Variants in PTPRD observed in about 807,000 individuals in gnomAD.
PTPRD encodes the protein protein tyrosine phosphatase receptor type D.
Under a neutral mutation model 214.5 loss-of-function variants are expected in PTPRD, and 34 were observed. The observed-to-expected ratio is 0.16, with a 90% CI of 0.12 to 0.21. The LOEUF is 0.21. PTPRD is among the 10% of genes least tolerant of loss of function. The pLI is 1.00. For missense variants in PTPRD, 2,545 were observed against 2,398.7 expected, an observed-to-expected ratio of 1.06 and a Z score of -1.27; for synonymous variants, 1,128 against 845.7, an observed-to-expected ratio of 1.33 and a Z score of -5.79.
intron 7 of PTPRD, among the ~76,000 whole-genome samples, chr9:9,697,551 CA>C (rs368142662): frequency 9.1e-4 from 139 of 151,932 alleles, no homozygotes; most frequent in African/African-American, 2.9e-3. Flanking sequence ...AGTCTGTTGC[CA>C]AAAAAATTGG....
intron 8 of PTPRD, among the ~76,000 whole-genome samples, chr9:9,544,892 C>CA (rs141317679): frequency 0.12 from 18,334 of 151,658 alleles, 1,349 homozygotes; most frequent in Middle Eastern, 0.27. Flanking sequence ...CGATAGCCCA[C>CA]ATTTCTAGTT....
chr9:9,121,632 A>G (rs1306256398), intron 10 of PTPRD, among the ~76,000 whole-genome samples: 1 of 152,114 alleles, frequency 6.6e-6, no homozygotes, highest in Non-Finnish European at 1.5e-5. Flanking sequence ...GAGGACGCAG[A>G]AGCCTAAGAA....
At chr9:8,745,321 G>T (rs866772021) in intron 11 of PTPRD, among the ~76,000 whole-genome samples, 12 of 152,240 alleles carry the variant, frequency 7.9e-5, no homozygotes, top group African/African-American at 2.9e-4. Flanking sequence ...TACTGCAACA[G>T]AAATAGATAG....
intron 2 of PTPRD, among the ~76,000 whole-genome samples, chr9:10,464,381 A>G (rs1008520769): frequency 4.7e-5 from 7 of 149,776 alleles, no homozygotes; most frequent in African/African-American, 1.7e-4. Flanking sequence ...CACCAAAGAA[A>G]GAGAGAAAGA....
chr9:8,572,657 A>G (rs1194686110), intron 14 of PTPRD, among the ~76,000 whole-genome samples: 1 of 152,102 alleles, frequency 6.6e-6, no homozygotes, highest in Non-Finnish European at 1.5e-5. Context: ...GAGGTACTTG[A>G]GTCAACCTCA....
chr9:10,146,220 T>TATCC (rs143864822), intron 3 of PTPRD, among the ~76,000 whole-genome samples: 45,123 of 149,238 alleles, frequency 0.3, 6,858 homozygotes, highest in South Asian at 0.4. Context: ...CATACTATTC[T>TATCC]ATCCATCCAT....
chr9:9,614,583 C>G (rs1320162575), intron 7 of PTPRD, among the ~76,000 whole-genome samples: 1 of 152,136 alleles, frequency 6.6e-6, no homozygotes, highest in South Asian at 2.1e-4. Flanking sequence ...GTTTAGGCAG[C>G]TTTCAAAAAC....
chr9:9,947,322 A>ATG (rs1346016346), intron 4 of PTPRD, among the ~76,000 whole-genome samples: 2 of 87,930 alleles, frequency 2.3e-5, no homozygotes, highest in African/African-American at 5.0e-5. Flanking sequence ...TATATTATAT[A>ATG]TATTATATAT....
At chr9:9,032,827 G>C (rs1569476891) in intron 10 of PTPRD, among the ~76,000 whole-genome samples, 1 of 152,088 alleles carries the variant, frequency 6.6e-6, no homozygotes, top group Non-Finnish European at 1.5e-5. Context: ...GGGTTGCAGT[G>C]AAGATACTGA....
intron 7 of PTPRD, among the ~76,000 whole-genome samples, chr9:9,609,605 G>A (rs553890112): frequency 2.6e-5 from 4 of 152,150 alleles, no homozygotes; most frequent in African/African-American, 7.2e-5. Context: ...TGGGATTACA[G>A]ATGTACGCCA....
chr9:9,955,788 C>A (rs1405856790), intron 4 of PTPRD, among the ~76,000 whole-genome samples: 1 of 151,800 alleles, frequency 6.6e-6, no homozygotes, highest in Non-Finnish European at 1.5e-5. Context: ...TCCCAAAGTG[C>A]TGGGATTACA....
At chr9:8,847,903 T>C (rs2097730910) in intron 11 of PTPRD, among the ~76,000 whole-genome samples, 1 of 152,210 alleles carries the variant, frequency 6.6e-6, no homozygotes, top group African/African-American at 2.4e-5. Flanking sequence ...AGAATGCATA[T>C]ATAACAGTCA....
rs577319232 is a variant in PTPRD, at chr9:9,902,016, T to A, written c.-368+36491A>T. Among the ~76,000 whole-genome samples the A allele has an allele frequency of 7.1e-4, 108 of 152,334 alleles. 1 individual carries two copies. The highest frequency in any genetic ancestry group is 1.2e-3 in the Non-Finnish European group (84 of 68,024). The stretch of plus-strand genomic sequence containing the variant: ...ATTTCACAGTTAGTATCATATGAAC[T>A]CTTTGAAATCAGACTTCCTAAAATT... On this transcript the variant is annotated intron_variant, in intron 5 of 45. Transcript: ENST00000381196.
At chr9:10,346,752 A>G (rs2097091457) in intron 2 of PTPRD, among the ~76,000 whole-genome samples, 1 of 152,136 alleles carries the variant, frequency 6.6e-6, no homozygotes. Context: ...CTTGTGTTAC[A>G]TTTACTGAAG....
chr9:10,140,992 C>CA (rs1318120533), intron 3 of PTPRD, among the ~76,000 whole-genome samples: 1 of 151,924 alleles, frequency 6.6e-6, no homozygotes, highest in Non-Finnish European at 1.5e-5. Flanking sequence ...GAACCAAAGA[C>CA]AAAAACCACA....
chr9:10,026,410 T>C (rs2096924339), intron 4 of PTPRD, among the ~76,000 whole-genome samples: 2 of 152,188 alleles, frequency 1.3e-5, no homozygotes. Flanking sequence ...AGATCTGAAA[T>C]GATTGTGAAC....
In PTPRD at chr9:10,148,457, A is replaced by T. The variant is rs566953363; in HGVS notation, c.-544-114667T>A. 3.7e-4 allele frequency among the ~76,000 whole-genome samples: 56 copies of T among 152,296 alleles called. 1 individual carries two copies. In the South Asian group the frequency reaches 0.011, roughly 31 times the overall value. ...GAAAGAAATAGAACTTCATCTCTTC[A>T]ATATGATTAGGCAGCTCTCTGATTT... On this transcript the variant is annotated intron_variant, in intron 3 of 45. Coordinates refer to ENST00000381196, the MANE Select transcript of PTPRD (RefSeq NM_002839.4).
At chr9:9,216,281 G>A (rs766542642) in intron 9 of PTPRD, among the ~76,000 whole-genome samples, 6 of 152,064 alleles carry the variant, frequency 3.9e-5, no homozygotes, top group Non-Finnish European at 8.8e-5. Context: ...TTAAAATAAG[G>A]ATGCCAATGC....
chr9:9,218,049 A>G (rs1203336399), intron 9 of PTPRD, among the ~76,000 whole-genome samples: 1 of 152,160 alleles, frequency 6.6e-6, no homozygotes, highest in Non-Finnish European at 1.5e-5. Flanking sequence ...AATAGAACAT[A>G]TAACTATCTG....
Sources: allele counts gnomAD v4.1 joint callset (sites outside exome capture counted in the v4.1 genomes callset), GRCh38; gene constraint gnomAD v4.1.1; transcripts MANE v1.5; gene names NCBI Gene and HGNC (gene_info 2026-07-23, HGNC 2026-07-21).